FILIP1L: variants seen among roughly 807,000 people sequenced by gnomAD.
The protein encoded by FILIP1L is filamin A interacting protein 1 like.
In FILIP1L, 55 loss-of-function variants were observed where a neutral mutation model predicts 96.6. The observed-to-expected ratio is 0.57, with a 90% CI of 0.46 to 0.71. The LOEUF is 0.71. Ranked by LOEUF, FILIP1L falls within the 30% of genes least tolerant of loss-of-function variation. The probability of loss-of-function intolerance (pLI) is 0.00; values close to 1 mark genes in which losing one functional copy is unlikely to be tolerated. For synonymous variants in FILIP1L, 467 were observed against 473.9 expected, an observed-to-expected ratio of 0.99 and a Z score of 0.19; for missense variants, 1,304 against 1,321.2, an observed-to-expected ratio of 0.99 and a Z score of 0.20.
At chr3:100,014,558 T>C (rs997135899) in intron 1 of FILIP1L, among the ~76,000 whole-genome samples, 2 of 152,150 alleles carry the variant, frequency 1.3e-5, no homozygotes, top group Admixed American at 1.3e-4. Flanking sequence ...GATATCTTAT[T>C]GTGGTTTTAA....
At chr3:99,936,836 C>T (rs1707691669) in intron 1 of FILIP1L, among the ~76,000 whole-genome samples, 1 of 151,992 alleles carries the variant, frequency 6.6e-6, no homozygotes, top group East Asian at 1.9e-4. Context: ...AGGAAAAATC[C>T]TGGTTTAACA....
At chr3:99,839,334 A>G (rs1019808475) in intron 5 of FILIP1L, among the ~76,000 whole-genome samples, 2 of 152,190 alleles carry the variant, frequency 1.3e-5, no homozygotes, top group African/African-American at 2.4e-5. Flanking sequence ...AATGAGCAAT[A>G]TTGCATGCTT....
intron 1 of FILIP1L, among the ~76,000 whole-genome samples, chr3:100,097,033 G>A (rs1036260957): frequency 5.3e-5 from 8 of 152,258 alleles, no homozygotes; most frequent in African/African-American, 1.9e-4. Context: ...TAGGAACCAG[G>A]CCACAAAGCA....
intron 1 of FILIP1L, among the ~76,000 whole-genome samples, chr3:99,949,904 G>A (rs149790441): frequency 5.3e-4 from 81 of 152,270 alleles, no homozygotes; most frequent in African/African-American, 1.9e-3. Flanking sequence ...GTGTGTGTTA[G>A]GGAGGTATCA....
chr3:100,066,714 G>A (rs2065671498), intron 1 of FILIP1L, among the ~76,000 whole-genome samples: 3 of 135,552 alleles, frequency 2.2e-5, no homozygotes, highest in Non-Finnish European at 4.9e-5. Context: ...TGTATTTTTA[G>A]TAGAGACGGG....
At chr3:99,951,697 A>G (rs1303964089) in intron 1 of FILIP1L, among the ~76,000 whole-genome samples, 1 of 152,182 alleles carries the variant, frequency 6.6e-6, no homozygotes, top group African/African-American at 2.4e-5. Context: ...TTCCCTAATG[A>G]CATCCAGTGA....
At chr3:99,930,747 G>C (rs760548065) in intron 2 of FILIP1L, 22 bp downstream of exon 2, 7 of 1,610,518 alleles carry the variant, frequency 4.3e-6, no homozygotes, top group Middle Eastern at 1.7e-4. Context: ...AGCATGATGG[G>C]GATAACTCCA....
At chr3:99,952,010 T>G (rs1181520529) in intron 1 of FILIP1L, among the ~76,000 whole-genome samples, 1 of 152,174 alleles carries the variant, frequency 6.6e-6, no homozygotes, top group Non-Finnish European at 1.5e-5. Flanking sequence ...TAGTTGAAAT[T>G]TATTTTAAAA....
At chr3:99,980,533 A>C (rs1467920223) in intron 1 of FILIP1L, among the ~76,000 whole-genome samples, 1 of 152,204 alleles carries the variant, frequency 6.6e-6, no homozygotes, top group East Asian at 1.9e-4. Context: ...TTTTTTATAC[A>C]TTCAGTTCAG....
chr3:99,925,579 TA>T (rs34149588), intron 3 of FILIP1L, among the ~76,000 whole-genome samples: 40,255 of 151,922 alleles, frequency 0.26, 6,055 homozygotes, highest in Admixed American at 0.34. Flanking sequence ...AGCAGTAGTT[TA>T]AAAAAAATTT....
chr3:100,076,750 A>G (rs1475908836), intron 1 of FILIP1L, among the ~76,000 whole-genome samples: 1 of 152,196 alleles, frequency 6.6e-6, no homozygotes, highest in Non-Finnish European at 1.5e-5. Flanking sequence ...CATGTGAGGA[A>G]CTTATTAATG....
chr3:100,093,577 G>T (rs2066150999), intron 1 of FILIP1L, among the ~76,000 whole-genome samples: 1 of 152,004 alleles, frequency 6.6e-6, no homozygotes, highest in Non-Finnish European at 1.5e-5. Flanking sequence ...TCCTCCAATG[G>T]TAACATCTTA....
At position 99,828,834 on chromosome 3, in the gene FILIP1L, T is replaced by C. The variant is rs1002053816; in HGVS notation, c.*1580A>G. Among the ~76,000 whole-genome samples the C allele has an allele frequency of 5.3e-5, 8 of 152,100 alleles. No individual in the cohort carries two copies. The highest frequency in any genetic ancestry group is 1.9e-4 in the African/African-American group (8 of 41,402). On this transcript the variant is annotated 3_prime_UTR_variant, in exon 6 of 6. Coordinates refer to ENST00000477258, the MANE Select transcript of FILIP1L (RefSeq NM_001387850.1). ...TCACTTCGACTTTTCCATTTCAGGC[T>C]TTTAATTCACTTGACCTCCCCCTAC...
chr3:100,043,296 T>C (rs1331315279), intron 1 of FILIP1L, among the ~76,000 whole-genome samples: 1 of 152,232 alleles, frequency 6.6e-6, no homozygotes, highest in East Asian at 1.9e-4. Flanking sequence ...GTAAGTTTTA[T>C]TCCCCTTTGA....
intron 4 of FILIP1L, among the ~76,000 whole-genome samples, chr3:99,910,512 G>A (rs1033868589): frequency 1.5e-5 from 2 of 136,606 alleles, no homozygotes; most frequent in African/African-American, 5.0e-5. Context: ...TAGGTGCTAG[G>A]TGAAGTGGCA....
intron 1 of FILIP1L, among the ~76,000 whole-genome samples, chr3:99,972,098 GAC>G (rs1405959084): frequency 6.6e-6 from 1 of 152,202 alleles, no homozygotes; most frequent in East Asian, 1.9e-4. Context: ...ACCTGGTTCT[GAC>G]AGATATAAGG....
At chr3:99,975,597 A>T (rs1477034374) in intron 1 of FILIP1L, among the ~76,000 whole-genome samples, 1 of 152,186 alleles carries the variant, frequency 6.6e-6, no homozygotes, top group Non-Finnish European at 1.5e-5. Context: ...AAAAAAAAAA[A>T]AATTGATACT....
chr3:100,093,428 C>CTTACAAAAAATATATACTTTT (rs775289754), intron 1 of FILIP1L, among the ~76,000 whole-genome samples: 1 of 151,966 alleles, frequency 6.6e-6, no homozygotes, highest in East Asian at 1.9e-4. Context: ...CATTATTTTT[C>CTTACAAAAAATATATACTTTT]TTACAAAAAA....
At chr3:99,993,879 T>C (rs1253196885) in intron 1 of FILIP1L, among the ~76,000 whole-genome samples, 1 of 152,222 alleles carries the variant, frequency 6.6e-6, no homozygotes, top group Non-Finnish European at 1.5e-5. Context: ...TATTTACTAG[T>C]ATTTTGTTGA....
Sources: allele counts gnomAD v4.1 joint callset (sites outside exome capture counted in the v4.1 genomes callset), GRCh38; gene constraint gnomAD v4.1.1; transcripts MANE v1.5; gene names NCBI Gene and HGNC (gene_info 2026-07-23, HGNC 2026-07-21).